HADHB: variants seen among roughly 807,000 people sequenced by gnomAD.
HADHB encodes the protein hydroxyacyl-CoA dehydrogenase trifunctional multienzyme complex subunit beta, also known as trifunctional enzyme subunit beta, mitochondrial.
Under a neutral mutation model 61.9 loss-of-function variants are expected in HADHB, and 50 were observed. The ratio of observed to expected loss-of-function variants is 0.81; its 90% CI spans 0.64 to 1.02. The LOEUF is 1.02. Among genes scored for constraint, HADHB ranks in the 50% least tolerant of loss-of-function variants. The pLI is 0.00. For missense variants in HADHB, 504 were observed against 586.5 expected (o/e 0.86, Z 1.45); for synonymous variants, 191 against 201.6 (o/e 0.95, Z 0.45).
intron 15 of HADHB, among the ~76,000 whole-genome samples, chr2:26,289,147 G>A (rs555932988): frequency 6.6e-6 from 1 of 152,220 alleles, no homozygotes. Flanking sequence ...CTACTCGGGA[G>A]GCTGAGGCAG....
intron 4 of HADHB, among the ~76,000 whole-genome samples, chr2:26,267,246 C>T (rs891539218): frequency 1.3e-5 from 2 of 152,002 alleles, no homozygotes; most frequent in African/African-American, 4.8e-5. Context: ...ATACAAAGAA[C>T]CAGAGCTCCT....
chr2:26,285,131 AAATAT>A (rs1428803547), intron 14 of HADHB, among the ~76,000 whole-genome samples, 174 bp downstream of exon 14: 1 of 152,174 alleles, frequency 6.6e-6, no homozygotes, highest in Non-Finnish European at 1.5e-5. Context: ...GTATTTCATT[AAATAT>A]ATTTATTTCT....
chr2:26,269,337 GATCCAT>G (rs1672237510), intron 4 of HADHB, among the ~76,000 whole-genome samples: 1 of 152,110 alleles, frequency 6.6e-6, no homozygotes, highest in Admixed American at 6.6e-5. Flanking sequence ...TAGGACTACA[GATCCAT>G]GCCACCACGC....
chr2:26,266,871 CAAAAAAAA>C (rs56401595), intron 4 of HADHB, among the ~76,000 whole-genome samples: 58 of 45,424 alleles, frequency 1.3e-3, no homozygotes, highest in Non-Finnish European at 1.7e-3. Flanking sequence ...CACTCTCTCT[CAAAAAAAA>C]AAAAAAAAAA....
At chr2:26,277,232 AC>A in intron 7 of HADHB, 72 bp downstream of exon 7, 37 of 515,398 alleles carry the variant, frequency 7.2e-5, no homozygotes, top group Admixed American at 1.6e-4. Context: ...ATAAAAATGT[AC>A]TTTTTTTTTT....
chr2:26,258,038 C>T (rs1671704118), intron 3 of HADHB, among the ~76,000 whole-genome samples: 1 of 152,016 alleles, frequency 6.6e-6, no homozygotes, highest in South Asian at 2.1e-4. Context: ...AGATTTCTTC[C>T]AACTTGTTCC....
chr2:26,280,468 G>T (rs182828076), intron 10 of HADHB, among the ~76,000 whole-genome samples: 4 of 152,330 alleles, frequency 2.6e-5, no homozygotes, highest in East Asian at 3.9e-4. Flanking sequence ...TGACCCAGAT[G>T]GGGGGACAGT....
intron 1 of HADHB, among the ~76,000 whole-genome samples, chr2:26,247,220 C>CTGAGTAAG (rs1671201882): frequency 6.6e-6 from 1 of 152,116 alleles, no homozygotes; most frequent in Admixed American, 6.5e-5. Flanking sequence ...TCAGGCTTAC[C>CTGAGTAAG]CTAACCAACT....
chr2:26,289,851 T>C, intron 15 of HADHB, 67 bp from the exon 16 acceptor site: 1 of 1,048,024 alleles, frequency 9.5e-7, no homozygotes. Flanking sequence ...CCTTGTTCTC[T>C]GCTGTCCCTG....
At chr2:26,264,722 A>G (rs1672004318) in intron 4 of HADHB, among the ~76,000 whole-genome samples, 1 of 151,890 alleles carries the variant, frequency 6.6e-6, no homozygotes, top group South Asian at 2.1e-4. Flanking sequence ...AAGTAATGCT[A>G]TATGTTGGCC....
chr2:26,271,210 T>TAAA (rs1276623856), intron 5 of HADHB, among the ~76,000 whole-genome samples: 1 of 140,602 alleles, frequency 7.1e-6, no homozygotes, highest in African/African-American at 2.6e-5. Flanking sequence ...TTCTCTAGCT[T>TAAA]AAAAAAAAAA....
At chr2:26,280,784 C>T (rs969147849) in intron 10 of HADHB, among the ~76,000 whole-genome samples, 2 of 124,420 alleles carry the variant, frequency 1.6e-5, no homozygotes, top group African/African-American at 3.1e-5. Context: ...ACCCTGGAGG[C>T]GTGGAGGTTG....
intron 1 of HADHB, among the ~76,000 whole-genome samples, chr2:26,249,256 G>A (rs569604072): frequency 2.0e-5 from 3 of 151,802 alleles, no homozygotes; most frequent in South Asian, 2.1e-4. Context: ...TTATTAGTCC[G>A]GGCGTGGTGG....
In HADHB at chr2:26,289,975, G is replaced by A; in HGVS notation, c.*22G>A. ...ATAATAGATCCAGAAGAAGTGACCT[G>A]AAGTTTCTGTGCAACACTCACACTA... On this transcript the variant is annotated 3_prime_UTR_variant, in exon 16 of 16. Coordinates refer to ENST00000317799, the MANE Select transcript of HADHB (RefSeq NM_000183.3). The A allele has an allele frequency of 6.4e-7, 1 of 1,558,876 alleles. No homozygotes were observed. Among genetic ancestry groups the A allele is most frequent in the Non-Finnish European group, 8.8e-7 (1 of 1,129,976 alleles).
At chr2:26,283,530 AT>A (rs200330961) in intron 12 of HADHB, among the ~76,000 whole-genome samples, 1,699 of 151,834 alleles carry the variant, frequency 0.011, 18 homozygotes, top group Middle Eastern at 0.02. Context: ...TCTCAAAAAA[AT>A]AAATAAATAA....
At chr2:26,249,013 C>T (rs892026769) in intron 1 of HADHB, among the ~76,000 whole-genome samples, 1 of 151,384 alleles carries the variant, frequency 6.6e-6, no homozygotes, top group Non-Finnish European at 1.5e-5. Context: ...GCCGAGATCG[C>T]GCCATTGCAC....
Position 26,261,025 on chromosome 2 carries a change from C to T in HADHB, c.110-2355C>T, listed in dbSNP as rs1392551221. 5.9e-6 allele frequency: 9 copies of T among 1,523,532 alleles called. No homozygotes were observed. The African/African-American group carries it at 9.6e-5, about 16-fold the overall frequency. The allele number at this position is 1,523,532 out of a possible 1,614,324, so 94.4% of individuals were successfully genotyped here. A position where few individuals can be genotyped will look rare whatever the true frequency, so the allele number is the denominator to read the frequency against. ...CAGTTGATCACTTGTAGGTAGATGA[C>T]ACTGGTTTCTGGTTGGCTCCTATAT... On this transcript the variant is annotated intron_variant, in intron 3 of 15. Coordinates refer to ENST00000317799, the MANE Select transcript of HADHB (RefSeq NM_000183.3).
At chr2:26,250,592 G>C (rs574477503) in intron 1 of HADHB, among the ~76,000 whole-genome samples, 15 of 151,896 alleles carry the variant, frequency 9.9e-5, no homozygotes, top group Middle Eastern at 3.5e-3. Context: ...CCAGCATGTT[G>C]GGAGGCCGAG....
intron 6 of HADHB, among the ~76,000 whole-genome samples, chr2:26,274,881 AAAAT>A (rs1439478914): frequency 2.0e-5 from 3 of 152,188 alleles, no homozygotes; most frequent in Non-Finnish European, 4.4e-5. Flanking sequence ...AAAAAATAAA[AAAAT>A]AAATAAATAA....
Sources: allele counts gnomAD v4.1 joint callset (sites outside exome capture counted in the v4.1 genomes callset), GRCh38; gene constraint gnomAD v4.1.1; transcripts MANE v1.5; gene names NCBI Gene and HGNC (gene_info 2026-07-23, HGNC 2026-07-21).